ENOX1: variants seen among roughly 807,000 people sequenced by gnomAD.
The protein encoded by ENOX1 is ecto-NOX disulfide-thiol exchanger 1.
ENOX1 carries 42 observed loss-of-function variants against 82.5 expected under a neutral mutation model. The observed-to-expected ratio is 0.51, with a 90% CI of 0.40 to 0.66. The LOEUF is 0.66. Ranked by LOEUF, ENOX1 falls within the 30% of genes least tolerant of loss-of-function variation. The pLI is 0.00. For synonymous variants in ENOX1, 271 were observed against 282.2 expected (o/e 0.96, Z 0.40); for missense variants, 608 against 811.6 (o/e 0.75, Z 3.05).
At chr13:43,348,678 G>A (rs928558974) in intron 8 of ENOX1, among the ~76,000 whole-genome samples, 7 of 152,202 alleles carry the variant, frequency 4.6e-5, no homozygotes, top group African/African-American at 1.7e-4. Flanking sequence ...ACCTCCCTGT[G>A]AATCACTTGG....
chr13:43,457,182 T>C (rs1323951188), intron 3 of ENOX1, among the ~76,000 whole-genome samples: 6 of 152,252 alleles, frequency 3.9e-5, no homozygotes, highest in Admixed American at 2.6e-4. Flanking sequence ...TCTAGTGTTA[T>C]ACATTTTACT....
At chr13:43,600,419 G>C (rs980542581) in intron 2 of ENOX1, among the ~76,000 whole-genome samples, 1 of 152,230 alleles carries the variant, frequency 6.6e-6, no homozygotes, top group African/African-American at 2.4e-5. Flanking sequence ...ACTTGGGGCA[G>C]TGGTAACCAT....
intron 1 of ENOX1, among the ~76,000 whole-genome samples, chr13:43,719,329 ACAC>A (rs1413384932): frequency 1.3e-5 from 2 of 151,510 alleles, no homozygotes; most frequent in East Asian, 3.9e-4. Flanking sequence ...ACACACACAC[ACAC>A]ACACACACAC....
At position 43,703,414 on chromosome 13, in the gene ENOX1, T is replaced by A. The variant is rs1241577378; in HGVS notation, c.-284-35870A>T. ...TTCCATTTATGGGCAACCAGAAATGTTGCTATTCCCCTGAGTGAAGACTGC... is the reference window on the plus strand; with the variant it reads ...TTCCATTTATGGGCAACCAGAAATGATGCTATTCCCCTGAGTGAAGACTGC... On this transcript the variant is annotated intron_variant, in intron 1 of 16. Transcript: ENST00000690772. 2.0e-5 allele frequency among the ~76,000 whole-genome samples: 3 copies of A among 152,168 alleles called. No individual in the cohort carries two copies. The East Asian group carries it at 5.8e-4, about 29-fold the overall frequency.
At chr13:43,637,704 A>G (rs1346114591) in intron 2 of ENOX1, among the ~76,000 whole-genome samples, 1 of 152,108 alleles carries the variant, frequency 6.6e-6, no homozygotes, top group African/African-American at 2.4e-5. Flanking sequence ...TTATCCACTG[A>G]GATTTTCAAA....
chr13:43,601,003 A>C (rs949742699), intron 2 of ENOX1, among the ~76,000 whole-genome samples: 1 of 152,142 alleles, frequency 6.6e-6, no homozygotes, highest in Non-Finnish European at 1.5e-5. Flanking sequence ...GGCTGCAAGG[A>C]CCAAAAACTT....
At chr13:43,617,723 C>T (rs1248453384) in intron 2 of ENOX1, among the ~76,000 whole-genome samples, 1 of 152,192 alleles carries the variant, frequency 6.6e-6, no homozygotes, top group Non-Finnish European at 1.5e-5. Flanking sequence ...GACTTCTTTT[C>T]CTCTGGGTAG....
chr13:43,416,876 T>C (rs144294762), intron 3 of ENOX1, among the ~76,000 whole-genome samples: 3,888 of 152,002 alleles, frequency 0.026, 183 homozygotes, highest in African/African-American at 0.088. Flanking sequence ...GAGGTGGAGG[T>C]TGTAGCAAGC....
At chr13:43,535,760 C>T (rs1012145392) in intron 2 of ENOX1, among the ~76,000 whole-genome samples, 2 of 152,170 alleles carry the variant, frequency 1.3e-5, no homozygotes, top group African/African-American at 2.4e-5. Flanking sequence ...AAAAAAATCC[C>T]TGCTAAAATA....
At chr13:43,348,989 T>C (rs548244973) in intron 8 of ENOX1, among the ~76,000 whole-genome samples, 1 of 152,306 alleles carries the variant, frequency 6.6e-6, no homozygotes, top group African/African-American at 2.4e-5. Flanking sequence ...CTATCCATGG[T>C]TTCAGGCATC....
chr13:43,469,307 A>T (rs1204460099), intron 3 of ENOX1, among the ~76,000 whole-genome samples: 16 of 152,016 alleles, frequency 1.1e-4, no homozygotes, highest in Non-Finnish European at 1.0e-4. Flanking sequence ...AGTGGGATAA[A>T]TTATATTTGG....
intron 2 of ENOX1, among the ~76,000 whole-genome samples, chr13:43,591,105 T>A (rs556117267): frequency 4.6e-5 from 7 of 152,198 alleles, no homozygotes; most frequent in African/African-American, 1.4e-4. Context: ...CACATACCCA[T>A]TGGCTAATTA....
intron 2 of ENOX1, among the ~76,000 whole-genome samples, chr13:43,661,381 C>T (rs4522321): frequency 0.99 from 150,616 of 152,284 alleles, 74,500 homozygotes; most frequent in Middle Eastern, 1. Flanking sequence ...GGTAGGAGGC[C>T]GGTGGAAGTT....
At chr13:43,661,397 T>C (rs1355660950) in intron 2 of ENOX1, among the ~76,000 whole-genome samples, 2 of 152,180 alleles carry the variant, frequency 1.3e-5, no homozygotes, top group Non-Finnish European at 2.9e-5. Context: ...AAGTTAAGTA[T>C]AGACGGGTGT....
intron 1 of ENOX1, among the ~76,000 whole-genome samples, chr13:43,671,268 C>A (rs61335261): frequency 0.047 from 7,146 of 152,258 alleles, 528 homozygotes; most frequent in African/African-American, 0.16. Context: ...ATTAGCCAGT[C>A]TCAGTTAGTA....
chr13:43,287,372 A>T (rs1323745850), intron 12 of ENOX1, among the ~76,000 whole-genome samples: 1 of 152,186 alleles, frequency 6.6e-6, no homozygotes, highest in African/African-American at 2.4e-5. Context: ...TATGGCAATG[A>T]CAGTTCACAC....
At chr13:43,665,607 T>C (rs1566733971) in intron 2 of ENOX1, among the ~76,000 whole-genome samples, 1 of 152,028 alleles carries the variant, frequency 6.6e-6, no homozygotes, top group Non-Finnish European at 1.5e-5. Flanking sequence ...GATATCTTGA[T>C]ATACTGATAG....
chr13:43,607,248 T>C (rs1324111752), intron 2 of ENOX1, among the ~76,000 whole-genome samples: 1 of 151,726 alleles, frequency 6.6e-6, no homozygotes, highest in Non-Finnish European at 1.5e-5. Flanking sequence ...ACCACAAAAA[T>C]TAAAAATTAA....
chr13:43,493,264 G>T (rs1051463727), intron 2 of ENOX1, among the ~76,000 whole-genome samples: 1 of 152,144 alleles, frequency 6.6e-6, no homozygotes, highest in Non-Finnish European at 1.5e-5. Flanking sequence ...TTTATTAGGG[G>T]AATTGGCTCA....
Sources: allele counts gnomAD v4.1 joint callset (sites outside exome capture counted in the v4.1 genomes callset), GRCh38; gene constraint gnomAD v4.1.1; transcripts MANE v1.5; gene names NCBI Gene and HGNC (gene_info 2026-07-23, HGNC 2026-07-21).